The following SHISA7 variants were observed in gnomAD, a reference collection of about 807,000 sequenced individuals.
The protein encoded by SHISA7 is protein shisa-7.
Under a neutral mutation model 23.9 loss-of-function variants are expected in SHISA7, and 6 were observed. The observed-to-expected ratio is 0.25, with a 90% CI of 0.14 to 0.50. The LOEUF is 0.50. Among genes scored for constraint, SHISA7 ranks in the 20% least tolerant of loss-of-function variants. The pLI is 0.98. For missense variants in SHISA7, 671 were observed against 801.1 expected (o/e 0.84, Z 1.96); for synonymous variants, 386 against 398.3 (o/e 0.97, Z 0.37).
chr19:55,435,089 G>GT (rs1555753584), intron 3 of SHISA7, among the ~76,000 whole-genome samples: 19 of 60,142 alleles, frequency 3.2e-4, no homozygotes, highest in African/African-American at 9.6e-4. Flanking sequence ...TGGTGTGTGT[G>GT]GTGTGTGTGT....
intron 3 of SHISA7, among the ~76,000 whole-genome samples, chr19:55,434,447 TGG>T (rs1568450293): frequency 1.9e-5 from 2 of 106,822 alleles, no homozygotes; most frequent in African/African-American, 3.9e-5. Context: ...TGTGTGTGTG[TGG>T]GTGTGTGGTT....
In SHISA7 at chr19:55,430,595, C is replaced by T. The variant is rs1035918674; in HGVS notation, c.*2561G>A. ...AATAGATGGTGACAACACTGGACCT[C>T]ATGGATCCTGGGAGATGATAACACC... On this transcript the variant is annotated 3_prime_UTR_variant, in exon 4 of 4. Coordinates refer to ENST00000376325, the MANE Select transcript of SHISA7 (RefSeq NM_001145176.2). The T allele has an allele frequency of 6.6e-6, 1 of 150,668 alleles. No individual in the cohort carries two copies. Among genetic ancestry groups the T allele is most frequent in the African/African-American group, 2.5e-5 (1 of 40,726 alleles). The allele number at this position is 150,668 out of a possible 1,614,324, so 9.3% of individuals were successfully genotyped here.
rs1192986665 is a variant in SHISA7 at position 55,435,138 on chromosome 19, GTGTA to G, written c.977-1346_977-1343del. On this transcript the variant is annotated intron_variant, in intron 3 of 3. Transcript: ENST00000376325. ...GGTGTGTGTGGTGTGTGTGGTGTAT[GTGTA>G]TGGTGTGTGTGTGTGGTGTGTGTGT... 1.7e-3 allele frequency among the ~76,000 whole-genome samples: 92 copies of G among 54,646 alleles called. 1 individual carries two copies. The East Asian group carries it at 0.051, about 30-fold the overall frequency. 35.8% of individuals were successfully genotyped at this position (54,646 alleles called of 152,430 possible). A position where few individuals can be genotyped will look rare whatever the true frequency, so the allele number is the denominator to read the frequency against.
At chr19:55,441,601 C>T (rs1985599516) in intron 1 of SHISA7, among the ~76,000 whole-genome samples, 1 of 152,242 alleles carries the variant, frequency 6.6e-6, no homozygotes, top group South Asian at 2.1e-4. Context: ...TTCCTCTAAT[C>T]CAGCGCCCTC....
chr19:55,435,759 G>A (rs1354943941), intron 3 of SHISA7, among the ~76,000 whole-genome samples: 1 of 144,378 alleles, frequency 6.9e-6, no homozygotes, highest in African/African-American at 2.6e-5. Context: ...GTGAGACCTT[G>A]TCTCGTTAAA....
chr19:55,433,014 G>C lies in SHISA7; in HGVS notation c.*142C>G. ...ATAGGAGGAGGAATCTTGTCTGCCA[G>C]GACATCCCAGAAGGAGGCTTTCACT... On this transcript the variant is annotated 3_prime_UTR_variant, in exon 4 of 4. Transcript: ENST00000376325. The surrounding 1 kb of genome is among the most constrained non-coding windows in gnomAD (Gnocchi z 8.4). 9.8e-7 allele frequency: 1 copy of C among 1,023,468 alleles called. No homozygotes were observed. Among genetic ancestry groups the C allele is most frequent in the South Asian group, 1.9e-5 (1 of 54,044 alleles). The allele number at this position is 1,023,468 out of a possible 1,614,324, so 63.4% of individuals were successfully genotyped here.
At position 55,433,856 on chromosome 19, in the gene SHISA7, C is replaced by G; in HGVS notation, c.977-60G>C. ...TCCCCTGCGCATCTAGAGCCCTCCC[C>G]CTCCCACCTCGTCACATCCCGCTCC... On this transcript the variant is annotated intron_variant, in intron 3 of 3. Transcript: ENST00000376325. The surrounding 1 kb of genome is among the most constrained non-coding windows in gnomAD (Gnocchi z 8.4). The G allele has an allele frequency of 1.5e-6, 2 of 1,346,668 alleles. No individual in the cohort carries two copies. The highest frequency in any genetic ancestry group is 1.9e-6 in the Non-Finnish European group (2 of 1,053,812). 83.4% of individuals were successfully genotyped at this position (1,346,668 alleles called of 1,614,324 possible).
intron 3 of SHISA7, among the ~76,000 whole-genome samples, 153 bp downstream of exon 3, chr19:55,437,452 G>A (rs932990621): frequency 6.6e-6 from 1 of 152,128 alleles, no homozygotes; most frequent in Non-Finnish European, 1.5e-5. Context: ...TGATACAAAA[G>A]TACCACAGGT....
At position 55,443,300 on chromosome 19, in the gene SHISA7, C is replaced by A. The variant is rs999788167; in HGVS notation, c.-437G>T. Among the ~76,000 whole-genome samples the A allele has an allele frequency of 1.2e-4, 16 of 130,790 alleles. No individual in the cohort carries two copies. The highest frequency in any genetic ancestry group is 6.9e-4 in the East Asian group (3 of 4,362). The allele number at this position is 130,790 out of a possible 152,430, so 85.8% of individuals were successfully genotyped here. A position where few individuals can be genotyped will look rare whatever the true frequency, so the allele number is the denominator to read the frequency against. ...ATGTAAGGAGAAGAAACGGGGGCGG[C>A]GAAGAGGAGAGGGCAGGGGAGGCAG... On this transcript the variant is annotated 5_prime_UTR_variant, in exon 1 of 4. Transcript: ENST00000376325.
chr19:55,435,245 CGTGTGTGT>C (rs749649211), intron 3 of SHISA7, among the ~76,000 whole-genome samples: 15 of 56,534 alleles, frequency 2.7e-4, no homozygotes, highest in Non-Finnish European at 3.6e-4. Context: ...TGCGTGTGTG[CGTGTGTGT>C]GGTGTGTATG....
intron 3 of SHISA7, among the ~76,000 whole-genome samples, chr19:55,435,181 TTGTGTGG>T (rs1426225504): frequency 1.0e-4 from 4 of 38,350 alleles, no homozygotes; most frequent in Non-Finnish European, 2.2e-4. Context: ...GTGTGTGTGG[TTGTGTGG>T]TGTGTATGTG....
rs1408641680 is a variant in SHISA7 at position 55,432,221 on chromosome 19, TC to T, written c.*934del. 2 of 152,784 alleles carry T rather than the reference TC, an allele frequency of 1.3e-5. No homozygotes were observed. Among genetic ancestry groups the T allele is most frequent in the Non-Finnish European group, 2.9e-5 (2 of 68,140 alleles). 9.5% of individuals were successfully genotyped at this position (152,784 alleles called of 1,614,324 possible). A position where few individuals can be genotyped will look rare whatever the true frequency, so the allele number is the denominator to read the frequency against. On this transcript the variant is annotated 3_prime_UTR_variant, in exon 4 of 4. Transcript: ENST00000376325. This position sits in a 1 kb window ranked among gnomAD's most constrained non-coding sequence, Gnocchi z 4.6. Reference sequence around the variant, plus strand: ...GGCCCCTCTCTGCTCTCTGGCATCTTCCCTGGGGTGGTCCTGGACTCTGGGC... The same window carrying T: ...GGCCCCTCTCTGCTCTCTGGCATCTTCCTGGGGTGGTCCTGGACTCTGGGC...
In SHISA7 at chr19:55,434,746, G is replaced by GGTGT. The variant is rs571748701; in HGVS notation, c.977-954_977-951dup. Among the ~76,000 whole-genome samples, 257 of 110,440 alleles carry GGTGT rather than the reference G, an allele frequency of 2.3e-3. 1 individual carries two copies. Among genetic ancestry groups the GGTGT allele is most frequent in the African/African-American group, 8.3e-3 (236 of 28,576 alleles). 72.5% of individuals were successfully genotyped at this position (110,440 alleles called of 152,430 possible). ...TGTGTGGTGTGTGTGGTGTATATGT[G>GGTGT]GTGTGTGTGGTGTGTGTGGTGTGTG... On this transcript the variant is annotated intron_variant, in intron 3 of 3. Transcript: ENST00000376325.
rs1050467772 is a variant in SHISA7 at position 55,440,899 on chromosome 19, G to C, written c.672-134C>G. 130 of 858,894 alleles carry C rather than the reference G, an allele frequency of 1.5e-4. No individual in the cohort carries two copies. The East Asian group carries it at 4.3e-3, about 29-fold the overall frequency. The allele number at this position is 858,894 out of a possible 1,614,324, so 53.2% of individuals were successfully genotyped here. On this transcript the variant is annotated intron_variant, in intron 1 of 3. Coordinates refer to ENST00000376325, the MANE Select transcript of SHISA7 (RefSeq NM_001145176.2). ...GCCTGCCTTTTTCGCCATTGGCCAC[G>C]CCCCTTTCTCGTTGGCCACGCCCCC...
rs1276923317 is a variant in SHISA7 at position 55,442,789 on chromosome 19, C to G, written c.75G>C (p.Thr25=). ...GQARARPSNA[T]SAEPAGPLPA... ...GCAGCGGGCCCGCGGGCTCGGCGCT[C>G]GTGGCGTTGGACGGGCGCGCCCTGG... Residue 25 remains threonine (T), a synonymous_variant, in exon 1 of 4, where the codon ACG becomes ACC. Coordinates refer to ENST00000376325, the MANE Select transcript of SHISA7 (RefSeq NM_001145176.2). 1.6e-6 allele frequency: 2 copies of G among 1,279,416 alleles called. No homozygotes were observed. The highest frequency in any genetic ancestry group is 3.0e-4 in the Middle Eastern group (1 of 3,334). The allele number at this position is 1,279,416 out of a possible 1,614,324, so 79.3% of individuals were successfully genotyped here.
At chr19:55,434,013 G>T (rs140883299) in intron 3 of SHISA7, among the ~76,000 whole-genome samples, 3,453 of 150,920 alleles carry the variant, frequency 0.023, 42 homozygotes, top group Middle Eastern at 0.037. Flanking sequence ...CCCCCGCGCC[G>T]CCTATCCCTT....
Position 55,442,969 on chromosome 19 carries a change from G to T in SHISA7, c.-106C>A. On this transcript the variant is annotated 5_prime_UTR_variant, in exon 1 of 4. Transcript: ENST00000376325. ...ACGGTCAGAGGGTGAGAAACGTAGAGATGGGTGGGCAGAGAGGCTGGGGAG... is the reference window on the plus strand; with the variant it reads ...ACGGTCAGAGGGTGAGAAACGTAGATATGGGTGGGCAGAGAGGCTGGGGAG... 1 of 460,484 alleles carries T rather than the reference G, an allele frequency of 2.2e-6. No homozygotes were observed. The highest frequency in any genetic ancestry group is 3.0e-6 in the Non-Finnish European group (1 of 331,484). 28.5% of individuals were successfully genotyped at this position (460,484 alleles called of 1,614,324 possible). A position where few individuals can be genotyped will look rare whatever the true frequency, so the allele number is the denominator to read the frequency against.
intron 2 of SHISA7, chr19:55,438,564 GTGT>G (rs1985523415): frequency 7.7e-7 from 1 of 1,304,326 alleles, no homozygotes. Context: ...TCCGCACCCA[GTGT>G]GGCGGCGTGG....
intron 2 of SHISA7, among the ~76,000 whole-genome samples, chr19:55,438,880 C>A (rs1409630788): frequency 6.6e-6 from 1 of 151,962 alleles, no homozygotes; most frequent in Non-Finnish European, 1.5e-5. Flanking sequence ...ACCCCCCCCC[C>A]TGGTGCCCAG....
Sources: gnomAD v4.1 joint callset for allele counts (sites outside exome capture counted in the v4.1 genomes callset) on GRCh38, gnomAD v4.1.1 for gene constraint, Gnocchi (gnomAD v3.1) non-coding constraint, MANE v1.5 for transcripts, NCBI Gene and HGNC (gene_info 2026-07-23, HGNC 2026-07-21) for gene names.